The following BCL2L1 variants were observed in gnomAD, a reference collection of about 807,000 sequenced individuals.
BCL2L1 encodes BCL2 like 1.
In BCL2L1, 1 loss-of-function variant was observed where a neutral mutation model predicts 18.7. The ratio of observed to expected loss-of-function variants is 0.05; its 90% confidence interval spans 0.02 to 0.25. The LOEUF (loss-of-function observed/expected upper bound fraction) is 0.25, where lower values mean the gene tolerates loss of function less well. BCL2L1 is among the 10% of genes least tolerant of loss of function. The pLI is 1.00. For synonymous variants in BCL2L1, 103 were observed against 122.7 expected, an observed-to-expected ratio of 0.84 and a Z score of 1.06; for missense variants, 207 against 304.9, an observed-to-expected ratio of 0.68 and a Z score of 2.39.
At chr20:31,676,695 A>C (rs2060767452) in intron 2 of BCL2L1, among the ~76,000 whole-genome samples, 1 of 152,130 alleles carries the variant, frequency 6.6e-6, no homozygotes, top group Non-Finnish European at 1.5e-5. Context: ...ACTCAAGCTC[A>C]CCACGAACAC....
At chr20:31,671,843 C>T (rs1438051048) in intron 2 of BCL2L1, among the ~76,000 whole-genome samples, 5 of 149,086 alleles carry the variant, frequency 3.4e-5, no homozygotes, top group African/African-American at 1.2e-4. Context: ...CTCAGCTATA[C>T]TATACTATAT....
intron 2 of BCL2L1, among the ~76,000 whole-genome samples, chr20:31,687,128 G>A (rs920301836): frequency 2.0e-5 from 3 of 152,068 alleles, no homozygotes; most frequent in Admixed American, 2.0e-4. Flanking sequence ...GACCAACCTG[G>A]TCAAGACAAC....
At chr20:31,668,276 C>T (rs2060615845) in intron 2 of BCL2L1, among the ~76,000 whole-genome samples, 1 of 152,066 alleles carries the variant, frequency 6.6e-6, no homozygotes, top group South Asian at 2.1e-4. Context: ...TACACCACCC[C>T]CGTCTCTCTC....
intron 2 of BCL2L1, among the ~76,000 whole-genome samples, chr20:31,689,606 G>A (rs1029184394): frequency 7.2e-5 from 11 of 152,094 alleles, no homozygotes; most frequent in Non-Finnish European, 4.4e-5. Context: ...TCCCTCTCCT[G>A]TTTTCTTTAA....
chr20:31,711,580 A>T (rs2061453636), intron 2 of BCL2L1, among the ~76,000 whole-genome samples: 1 of 152,192 alleles, frequency 6.6e-6, no homozygotes, highest in Non-Finnish European at 1.5e-5. Context: ...GCACATTACA[A>T]AGCATTTGTC....
At chr20:31,688,465 GAAAAGAAAAAGA>G (rs1242324734) in intron 2 of BCL2L1, among the ~76,000 whole-genome samples, 1 of 146,740 alleles carries the variant, frequency 6.8e-6, no homozygotes, top group African/African-American at 2.5e-5. Context: ...AAAAAAGAAA[GAAAAGAAAAAGA>G]AAAGAAAAGA....
At chr20:31,688,444 CAAAAAAA>C (rs11362299) in intron 2 of BCL2L1, among the ~76,000 whole-genome samples, 1 of 86,688 alleles carries the variant, frequency 1.2e-5, no homozygotes, top group African/African-American at 3.7e-5. Context: ...ACTCTGTCTC[CAAAAAAA>C]AAAAAAAAAG....
chr20:31,670,270 C>G (rs1242640319), intron 2 of BCL2L1, among the ~76,000 whole-genome samples: 1 of 152,134 alleles, frequency 6.6e-6, no homozygotes, highest in Non-Finnish European at 1.5e-5. Context: ...TTGTTGCTCC[C>G]AAGTACACCC....
chr20:31,692,733 A>AC (rs1324173061), intron 2 of BCL2L1, among the ~76,000 whole-genome samples: 6 of 151,850 alleles, frequency 4.0e-5, no homozygotes, highest in African/African-American at 1.5e-4. Context: ...AGATGGTGAA[A>AC]CCCCATCTCT....
chr20:31,723,305 C>G, upstream of BCL2L1: 1 of 985,804 alleles, frequency 1.0e-6, no homozygotes, highest in Non-Finnish European at 1.2e-6. Flanking sequence ...CCGCCGGCGC[C>G]CTGCACAAAG....
chr20:31,678,017 A>T (rs1425137878), intron 2 of BCL2L1, among the ~76,000 whole-genome samples: 3 of 152,184 alleles, frequency 2.0e-5, no homozygotes, highest in Non-Finnish European at 4.4e-5. Flanking sequence ...ATAGCAGGTG[A>T]TTATGCAAGG....
intron 2 of BCL2L1, among the ~76,000 whole-genome samples, chr20:31,701,321 G>A (rs1239504543): frequency 6.6e-6 from 1 of 152,126 alleles, no homozygotes; most frequent in African/African-American, 2.4e-5. Flanking sequence ...CAAAGTGCTG[G>A]GATTACAGGC....
intron 2 of BCL2L1, among the ~76,000 whole-genome samples, chr20:31,703,192 G>A (rs536618278): frequency 4.6e-5 from 7 of 151,382 alleles, no homozygotes; most frequent in Non-Finnish European, 8.8e-5. Context: ...TCACAGGCAT[G>A]AGCCACCATG....
Position 31,722,355 on chromosome 20 carries a change from G to C in BCL2L1, c.-130-7C>G. The C allele has an allele frequency of 1.7e-6, 1 of 600,218 alleles. No individual in the cohort carries two copies. The allele number at this position is 600,218 out of a possible 1,614,324, so 37.2% of individuals were successfully genotyped here. A position where few individuals can be genotyped will look rare whatever the true frequency, so the allele number is the denominator to read the frequency against. ...TCTGAAGGGAGAGAAAGAGCTTCAG[G>C]AAAAAAAAATAATTAATATGCATGC... On this transcript the variant is annotated splice_region_variant and splice_polypyrimidine_tract_variant and intron_variant, in intron 1 of 2. Coordinates refer to ENST00000307677, the MANE Select transcript of BCL2L1 (RefSeq NM_138578.3).
chr20:31,698,111 C>T (rs1180316611), intron 2 of BCL2L1, among the ~76,000 whole-genome samples: 1 of 151,840 alleles, frequency 6.6e-6, no homozygotes, highest in Non-Finnish European at 1.5e-5. Flanking sequence ...TAGTCTTAAA[C>T]TTCTGACCTC....
chr20:31,669,656 T>G (rs1041386418), intron 2 of BCL2L1, among the ~76,000 whole-genome samples: 1 of 151,802 alleles, frequency 6.6e-6, no homozygotes, highest in African/African-American at 2.4e-5. Context: ...ACCAGGCTGG[T>G]CTCAAACTCC....
intron 2 of BCL2L1, 59 bp from the exon 3 acceptor site, chr20:31,666,145 G>A (rs2122390398): frequency 6.3e-7 from 1 of 1,593,054 alleles, no homozygotes; most frequent in Non-Finnish European, 8.6e-7. Context: ...GTAGGTGGGT[G>A]GGGAAAGGGG....
At chr20:31,700,247 A>T (rs2061254238) in intron 2 of BCL2L1, among the ~76,000 whole-genome samples, 1 of 152,112 alleles carries the variant, frequency 6.6e-6, no homozygotes, top group African/African-American at 2.4e-5. Flanking sequence ...AATGAATAGC[A>T]CCTGGGATGG....
chr20:31,708,877 T>C (rs2061409701), intron 2 of BCL2L1, among the ~76,000 whole-genome samples: 1 of 152,178 alleles, frequency 6.6e-6, no homozygotes, highest in African/African-American at 2.4e-5. Flanking sequence ...AGACAGGTGA[T>C]GTTTACCCTG....
Sources: allele counts gnomAD v4.1 joint callset (sites outside exome capture counted in the v4.1 genomes callset), GRCh38; gene constraint gnomAD v4.1.1; transcripts MANE v1.5; gene names NCBI Gene and HGNC (gene_info 2026-07-23, HGNC 2026-07-21).